The following TPST1 variants were observed in gnomAD, a reference collection of about 807,000 sequenced individuals.
The protein encoded by TPST1 is protein-tyrosine sulfotransferase 1.
A neutral mutation model predicts 34.8 loss-of-function variants in TPST1; 20 were observed. The observed-to-expected ratio is 0.57, with a 90% CI of 0.40 to 0.84. The LOEUF (loss-of-function observed/expected upper bound fraction) is 0.84. Ranked by LOEUF, TPST1 falls within the 40% of genes least tolerant of loss-of-function variation. The probability of loss-of-function intolerance (pLI) is 0.00; values close to 1 mark genes in which losing one functional copy is unlikely to be tolerated. For missense variants in TPST1, 353 were observed against 455.5 expected (o/e 0.78, Z 2.05); for synonymous variants, 152 against 159.4 (o/e 0.95, Z 0.35).
At chr7:66,359,422 C>T (rs927571525) in intron 5 of TPST1, 6 of 154,552 alleles carry the variant, frequency 3.9e-5, no homozygotes, top group Middle Eastern at 3.1e-3. Flanking sequence ...GGGTGCTGCC[C>T]CCTGGACACT....
intron 2 of TPST1, among the ~76,000 whole-genome samples, chr7:66,243,941 ATTTTT>A (rs55829208): frequency 8.6e-6 from 1 of 116,228 alleles, no homozygotes; most frequent in Non-Finnish European, 1.8e-5. Context: ...ATTCTGGGAA[ATTTTT>A]TTTTTTTTTT....
intron 1 of TPST1, among the ~76,000 whole-genome samples, chr7:66,213,207 C>T (rs2116230835): frequency 6.6e-6 from 1 of 152,338 alleles, no homozygotes; most frequent in African/African-American, 2.4e-5. Context: ...TACTGTCTCA[C>T]AGGACGTAAG....
At chr7:66,202,069 T>G (rs1789040220), upstream of TPST1, among the ~76,000 whole-genome samples, 1 of 152,208 alleles carries the variant, frequency 6.6e-6, no homozygotes, top group Non-Finnish European at 1.5e-5. Context: ...ATGTGTATTT[T>G]AAATATATAC....
intron 3 of TPST1, among the ~76,000 whole-genome samples, chr7:66,336,357 A>C (rs1450817570): frequency 6.6e-6 from 1 of 152,174 alleles, no homozygotes; most frequent in African/African-American, 2.4e-5. Flanking sequence ...AGAGATAGAA[A>C]ATTAAATGAA....
chr7:66,328,417 G>T (rs1418891086), intron 3 of TPST1, among the ~76,000 whole-genome samples: 2 of 152,192 alleles, frequency 1.3e-5, no homozygotes, highest in Non-Finnish European at 2.9e-5. Context: ...CCCTGCAGCA[G>T]TAGAGCTGAG....
chr7:66,221,384 A>G (rs1698102783), intron 1 of TPST1, among the ~76,000 whole-genome samples: 1 of 152,162 alleles, frequency 6.6e-6, no homozygotes, highest in African/African-American at 2.4e-5. Context: ...AAACTACATA[A>G]AGGTTCCCTG....
intron 1 of TPST1, among the ~76,000 whole-genome samples, chr7:66,228,460 G>A (rs1789709688): frequency 6.6e-6 from 1 of 152,120 alleles, no homozygotes; most frequent in African/African-American, 2.4e-5. Context: ...AAAAAGCTTT[G>A]CCATTTCAGA....
At chr7:66,339,126 A>C (rs1416653335) in intron 3 of TPST1, among the ~76,000 whole-genome samples, 2 of 151,606 alleles carry the variant, frequency 1.3e-5, no homozygotes. Flanking sequence ...GGGTGGGGGG[A>C]GAGAAGACCC....
At chr7:66,314,569 C>T (rs943350988) in intron 3 of TPST1, among the ~76,000 whole-genome samples, 1 of 152,172 alleles carries the variant, frequency 6.6e-6, no homozygotes, top group East Asian at 1.9e-4. Context: ...AACTTGAAGA[C>T]TGTGCAAATA....
At chr7:66,313,827 A>G (rs1207195019) in intron 3 of TPST1, among the ~76,000 whole-genome samples, 2 of 152,066 alleles carry the variant, frequency 1.3e-5, no homozygotes, top group East Asian at 3.8e-4. Context: ...CAATGTTGTT[A>G]GTTATCTCAA....
chr7:66,218,775 A>T (rs996312579), intron 1 of TPST1, among the ~76,000 whole-genome samples: 5 of 151,844 alleles, frequency 3.3e-5, no homozygotes, highest in African/African-American at 1.2e-4. Flanking sequence ...TGAACTTGGG[A>T]GGTGGAGCTT....
chr7:66,237,779 T>C (rs1789940072), intron 1 of TPST1, among the ~76,000 whole-genome samples: 1 of 152,106 alleles, frequency 6.6e-6, no homozygotes. Context: ...ACTTATGCGA[T>C]TGTGGGGCTT....
chr7:66,257,588 G>T (rs1305560460), intron 2 of TPST1, among the ~76,000 whole-genome samples: 3 of 152,044 alleles, frequency 2.0e-5, no homozygotes, highest in African/African-American at 4.8e-5. Context: ...CTATTTCTGG[G>T]TTTTTTTGGT....
At chr7:66,282,343 T>G (rs1166814694) in intron 2 of TPST1, among the ~76,000 whole-genome samples, 1 of 152,214 alleles carries the variant, frequency 6.6e-6, no homozygotes, top group African/African-American at 2.4e-5. Context: ...CCATATGATT[T>G]CTGTTGTAAG....
At chr7:66,225,681 C>T (rs1351927408) in intron 1 of TPST1, among the ~76,000 whole-genome samples, 1 of 152,208 alleles carries the variant, frequency 6.6e-6, no homozygotes, top group Admixed American at 6.5e-5. Context: ...CACACGCACA[C>T]GTGTGTAAAC....
At chr7:66,210,165 AG>A (rs1245865705) in intron 1 of TPST1, among the ~76,000 whole-genome samples, 3 of 152,164 alleles carry the variant, frequency 2.0e-5, no homozygotes, top group Admixed American at 6.5e-5. Context: ...TTAGGTGTAT[AG>A]GTGAGAGAGA....
Position 66,248,740 on chromosome 7 carries a change from C to T in TPST1, c.845+7470C>T, listed in dbSNP as rs367690957. Among the ~76,000 whole-genome samples, 3 of 152,032 alleles carry T rather than the reference C, an allele frequency of 2.0e-5. No individual in the cohort carries two copies. The East Asian group carries it at 5.8e-4, about 29-fold the overall frequency. ...ATGTTAGCCAGGATGGCCTTGATCT[C>T]CTGACCTCATGATCCGCCTGCCTCG... On this transcript the variant is annotated intron_variant, in intron 2 of 5. Transcript: ENST00000304842.
chr7:66,360,159 C>A lies in TPST1; in HGVS notation c.*294C>A, dbSNP rs1792662217. 1 of 322,768 alleles carries A rather than the reference C, an allele frequency of 3.1e-6. No individual in the cohort carries two copies. The highest frequency in any genetic ancestry group is 2.2e-5 in the African/African-American group (1 of 46,268). 20.0% of individuals were successfully genotyped at this position (322,768 alleles called of 1,614,324 possible). A position where few individuals can be genotyped will look rare whatever the true frequency, so the allele number is the denominator to read the frequency against. On this transcript the variant is annotated 3_prime_UTR_variant, in exon 6 of 6. Coordinates refer to ENST00000304842, the MANE Select transcript of TPST1 (RefSeq NM_003596.4). The stretch of plus-strand genomic sequence containing the variant: ...GTTTCCTGTTAAAACTCCTCTTGTT[C>A]TCTTTTCTTACATTATGACGTTTGT...
At chr7:66,256,522 G>GA (rs2115673692) in intron 2 of TPST1, among the ~76,000 whole-genome samples, 1 of 152,266 alleles carries the variant, frequency 6.6e-6, no homozygotes, top group South Asian at 2.1e-4. Context: ...TGTCTTAGGT[G>GA]GAGGGCCTTA....
Sources: gnomAD v4.1 joint callset for allele counts (sites outside exome capture counted in the v4.1 genomes callset) on GRCh38, gnomAD v4.1.1 for gene constraint, MANE v1.5 for transcripts, NCBI Gene and HGNC (gene_info 2026-07-23, HGNC 2026-07-21) for gene names.